ADGRB2: variants seen among roughly 807,000 people sequenced by gnomAD.
The protein encoded by ADGRB2 is brain-specific angiogenesis inhibitor 2.
In ADGRB2, 47 loss-of-function variants were observed where a neutral mutation model predicts 178.7. That is an observed-to-expected ratio of 0.26 (90% CI 0.21 to 0.34). The LOEUF is 0.34. Ranked by LOEUF, ADGRB2 falls within the 10% of genes least tolerant of loss-of-function variation. ADGRB2 has a pLI of 1.00. For synonymous variants in ADGRB2, 870 were observed against 912.4 expected (o/e 0.95, Z 0.84); for missense variants, 1,584 against 2,180.8 (o/e 0.73, Z 5.45).
chr1:31,728,150 A>C lies in ADGRB2; in HGVS notation c.4515+32T>G. The C allele has an allele frequency of 1.9e-6, 3 of 1,613,942 alleles. No homozygotes were observed. Among genetic ancestry groups the C allele is most frequent in the Non-Finnish European group, 2.5e-6 (3 of 1,179,958 alleles). On this transcript the variant is annotated intron_variant, in intron 31 of 32. Coordinates refer to ENST00000373658, the MANE Select transcript of ADGRB2 (RefSeq NM_001364857.2). The surrounding 1 kb of genome is among the most constrained non-coding windows in gnomAD (Gnocchi z 6.7). ...TGCACCAGGTCAGGCCCTGAGCTTC[A>C]GGGCAGGGGCAGCCACGGGAGGAGC...
rs574314333 is a variant in ADGRB2 at position 31,754,485 on chromosome 1, G to A, written c.838+1514C>T. On this transcript the variant is annotated intron_variant, in intron 4 of 32. Transcript: ENST00000373658. The surrounding 1 kb of genome is among the most constrained non-coding windows in gnomAD (Gnocchi z 5.7). ...TGATATACGCCTGGCGTTCTCCGCC[G>A]ATGTTCAACAAAGAAGCAAAATTCA... Among the ~76,000 whole-genome samples, 6 of 152,380 alleles carry A rather than the reference G, an allele frequency of 3.9e-5. No homozygotes were observed. The highest frequency in any genetic ancestry group is 2.1e-4 in the South Asian group (1 of 4,828).
In ADGRB2 at chr1:31,735,292, G is replaced by T; in HGVS notation, c.3354-11C>A. 1 of 1,471,176 alleles carries T rather than the reference G, an allele frequency of 6.8e-7. No homozygotes were observed. The highest frequency in any genetic ancestry group is 9.1e-7 in the Non-Finnish European group (1 of 1,102,876). 91.1% of individuals were successfully genotyped at this position (1,471,176 alleles called of 1,614,324 possible). A position where few individuals can be genotyped will look rare whatever the true frequency, so the allele number is the denominator to read the frequency against. ...GGGCACCGCTCCGACCTCGGGGGCG[G>T]CACAGACATGGGAGAAGGAGGGGAA... On this transcript the variant is annotated splice_polypyrimidine_tract_variant and intron_variant, in intron 24 of 32. Coordinates refer to ENST00000373658, the MANE Select transcript of ADGRB2 (RefSeq NM_001364857.2). This position sits in a 1 kb window ranked among gnomAD's most constrained non-coding sequence, Gnocchi z 6.0.
At chr1:31,739,056 C>T in intron 15 of ADGRB2, 119 bp from the exon 16 acceptor site, 1 of 966,106 alleles carries the variant, frequency 1.0e-6, no homozygotes, top group Non-Finnish European at 1.5e-6. Flanking sequence ...CAGGGGAAGG[C>T]CTAACTCAGT....
chr1:31,738,905 G>T lies in ADGRB2; in HGVS notation c.2528C>A (p.Thr843Lys). The T allele has an allele frequency of 6.2e-7, 1 of 1,613,626 alleles. No homozygotes were observed. The highest frequency in any genetic ancestry group is 1.3e-5 in the African/African-American group (1 of 75,062). Residue 843 changes from threonine to lysine, a missense_variant, in exon 16 of 33, where the codon ACA becomes AAA. Thr to Lys is a moderately conservative substitution (Grantham distance 78, BLOSUM62 -1). Transcript: ENST00000373658. The stretch of plus-strand genomic sequence containing the variant: ...CTGGGTAGGGGGGCGCACAGTCACT[G>T]TCATCACCCGGGATGTGACGGCCAG... ...PPLAVTSRVM[T>K]VTVRPPTQPP...
chr1:31,763,849 C>T lies in ADGRB2; in HGVS notation c.-191+35G>A, dbSNP rs112949214. On this transcript the variant is annotated intron_variant, in intron 1 of 32. Coordinates refer to ENST00000373658, the MANE Select transcript of ADGRB2 (RefSeq NM_001364857.2). ...GGGACCGCGCCGGCAGGGCTCGGTG[C>T]GAGGCCAGGTCGGGGTCTGGGGCCG... 22 of 984,768 alleles carry T rather than the reference C, an allele frequency of 2.2e-5. No homozygotes were observed. In the Admixed American group the frequency reaches 3.7e-4, roughly 17 times the overall value. The allele number at this position is 984,768 out of a possible 1,614,324, so 61.0% of individuals were successfully genotyped here. A position where few individuals can be genotyped will look rare whatever the true frequency, so the allele number is the denominator to read the frequency against.
Position 31,736,565 on chromosome 1 carries a change from C to G in ADGRB2, c.3130+8G>C, listed in dbSNP as rs759497615. ...CCAGCAGCAGAGTCCAGCACTGGCC[C>G]TGCTCACCCCAGCCCAGGCAGAGGA... On this transcript the variant is annotated splice_region_variant and intron_variant, in intron 21 of 32. Coordinates refer to ENST00000373658, the MANE Select transcript of ADGRB2 (RefSeq NM_001364857.2). The G allele has an allele frequency of 6.2e-7, 1 of 1,613,328 alleles. No homozygotes were observed. The highest frequency in any genetic ancestry group is 2.2e-5 in the East Asian group (1 of 44,874).
In ADGRB2 at chr1:31,741,491, T is replaced by G; in HGVS notation, c.1688-12A>C. 2 of 1,585,042 alleles carry G rather than the reference T, an allele frequency of 1.3e-6. No homozygotes were observed. Among genetic ancestry groups the G allele is most frequent in the Non-Finnish European group, 1.7e-6 (2 of 1,165,064 alleles). On this transcript the variant is annotated splice_polypyrimidine_tract_variant and intron_variant, in intron 10 of 32. Transcript: ENST00000373658. The surrounding 1 kb of genome is among the most constrained non-coding windows in gnomAD (Gnocchi z 6.5). ...GCGGCTGGCAGACCCTGCAGGGCAATAGGACAGAGGTCTGGGCATGGGGGC... is the reference window on the plus strand; with the variant it reads ...GCGGCTGGCAGACCCTGCAGGGCAAGAGGACAGAGGTCTGGGCATGGGGGC...
chr1:31,739,756 G>A (rs1445855079), intron 14 of ADGRB2, 121 bp from the exon 15 acceptor site: 19 of 1,269,176 alleles, frequency 1.5e-5, no homozygotes, highest in Non-Finnish European at 2.0e-5. Context: ...GGACACCGAA[G>A]TTGGTACAAA....
At chr1:31,737,299 C>T (rs144058376) in intron 20 of ADGRB2, 130 bp downstream of exon 20, 34,469 of 870,206 alleles carry the variant, frequency 0.04, 856 homozygotes, top group Middle Eastern at 0.049. Context: ...TTCATACACA[C>T]TCTAATCCCA....
At position 31,728,053 on chromosome 1, in the gene ADGRB2, C is replaced by A. The variant is rs1440954797; in HGVS notation, c.4544G>T (p.Gly1515Val). The stretch of plus-strand genomic sequence containing the variant: ...GCACACGCTCCGCTCGGCTGCCCCA[C>A]CCGAGGACACACTCCACCGCTTCTC... ...KREKRWSVSSGGAAERSVCTD... is the reference protein window; with the variant it reads ...KREKRWSVSSVGAAERSVCTD... The change falls in exon 32 of 33, where the codon GGT becomes GTT. Residue 1515 changes from glycine to valine, a missense_variant. Gly to Val is a moderately radical substitution (Grantham distance 109). Around this residue, in one of 3 missense-constraint regions of ADGRB2, gnomAD observed 865 missense variants for 1,192.8 expected, o/e 0.73. Coordinates refer to ENST00000373658, the MANE Select transcript of ADGRB2 (RefSeq NM_001364857.2). This position sits in a 1 kb window ranked among gnomAD's most constrained non-coding sequence, Gnocchi z 6.7. The A allele has an allele frequency of 9.4e-6, 15 of 1,593,890 alleles. No individual in the cohort carries two copies. The highest frequency in any genetic ancestry group is 1.3e-5 in the Non-Finnish European group (15 of 1,172,852).
In ADGRB2 at chr1:31,741,299, A is replaced by C. The variant is rs1225050092; in HGVS notation, c.1794+74T>G. The C allele has an allele frequency of 6.9e-7, 1 of 1,442,218 alleles. No individual in the cohort carries two copies. Among genetic ancestry groups the C allele is most frequent in the East Asian group, 2.5e-5 (1 of 40,490 alleles). 89.3% of individuals were successfully genotyped at this position (1,442,218 alleles called of 1,614,324 possible). On this transcript the variant is annotated intron_variant, in intron 11 of 32. Transcript: ENST00000373658. The surrounding 1 kb of genome is among the most constrained non-coding windows in gnomAD (Gnocchi z 6.5). The stretch of plus-strand genomic sequence containing the variant: ...CCAAGGCACGTGGGAACGAGCGAGA[A>C]TCACGCTCCCTCCACCCCCTAGCAG...
At position 31,756,112 on chromosome 1, in the gene ADGRB2, G is replaced by A. The variant is rs202175781; in HGVS notation, c.725C>T (p.Pro242Leu). 1.2e-4 allele frequency: 188 copies of A among 1,613,912 alleles called. No individual in the cohort carries two copies. Among genetic ancestry groups the A allele is most frequent in the Non-Finnish European group, 1.0e-5 (12 of 1,179,974 alleles). ...GGCATTGGACAGGGTGTGGGCAGCAGGAGGGCCTGGAGATGTGGTGGTGGT... is the reference window on the plus strand; with the variant it reads ...GGCATTGGACAGGGTGTGGGCAGCAAGAGGGCCTGGAGATGTGGTGGTGGT... ...GSTTTTSPGP[P>L]AAHTLSNALV... Residue 242 changes from proline (P) to leucine (L), a missense_variant, in exon 4 of 33, where the codon CCT becomes CTT. Transcript: ENST00000373658. This position sits in a 1 kb window ranked among gnomAD's most constrained non-coding sequence, Gnocchi z 8.5.
chr1:31,733,025 T>C lies in ADGRB2; in HGVS notation c.3571A>G (p.Asn1191Asp). ...GTGATGACAAAGCCCTGCGCGGAGTTGAAGACAGCAAAGAGGGCCTGGAAG... is the reference window on the plus strand; with the variant it reads ...GTGATGACAAAGCCCTGCGCGGAGTCGAAGACAGCAAAGAGGGCCTGGAAG... ...VLFQALFAVF[N>D]SAQGFVITAV... The change falls in exon 26 of 33, where the codon AAC becomes GAC. Residue 1191 changes from asparagine (N) to aspartate (D), a missense_variant. Physicochemically the swap from Asn to Asp is conservative, Grantham distance 23 (BLOSUM62 1). Coordinates refer to ENST00000373658, the MANE Select transcript of ADGRB2 (RefSeq NM_001364857.2). The surrounding 1 kb of genome is among the most constrained non-coding windows in gnomAD (Gnocchi z 4.3). 6.4e-7 allele frequency: 1 copy of C among 1,572,474 alleles called. No individual in the cohort carries two copies. Among genetic ancestry groups the C allele is most frequent in the Non-Finnish European group, 8.6e-7 (1 of 1,159,226 alleles).
In ADGRB2 at chr1:31,728,755, G is replaced by T; in HGVS notation, c.4381-122C>A. 1 of 1,207,358 alleles carries T rather than the reference G, an allele frequency of 8.3e-7. No homozygotes were observed. The highest frequency in any genetic ancestry group is 1.2e-6 in the Non-Finnish European group (1 of 836,698). The allele number at this position is 1,207,358 out of a possible 1,614,324, so 74.8% of individuals were successfully genotyped here. A position where few individuals can be genotyped will look rare whatever the true frequency, so the allele number is the denominator to read the frequency against. On this transcript the variant is annotated intron_variant, in intron 29 of 32. Coordinates refer to ENST00000373658, the MANE Select transcript of ADGRB2 (RefSeq NM_001364857.2). The surrounding 1 kb of genome is among the most constrained non-coding windows in gnomAD (Gnocchi z 6.7). ...CCCGCTGCACCTTCCCCCCAACCCA[G>T]GCCCAGAAGTTGCGGACCTTCATGG...
chr1:31,759,943 G>C lies in ADGRB2; in HGVS notation c.-190-2432C>G, dbSNP rs1018138167. 6.6e-6 allele frequency among the ~76,000 whole-genome samples: 1 copy of C among 152,150 alleles called. No individual in the cohort carries two copies. The highest frequency in any genetic ancestry group is 1.5e-5 in the Non-Finnish European group (1 of 68,036). ...ATGCAGACCATGAGCCTTGCCCTGGGGATGGCAGACACCTCATCAGCCTCC... is the reference window on the plus strand; with the variant it reads ...ATGCAGACCATGAGCCTTGCCCTGGCGATGGCAGACACCTCATCAGCCTCC... On this transcript the variant is annotated intron_variant, in intron 1 of 32. Coordinates refer to ENST00000373658, the MANE Select transcript of ADGRB2 (RefSeq NM_001364857.2). The surrounding 1 kb of genome is among the most constrained non-coding windows in gnomAD (Gnocchi z 4.3).
Position 31,764,197 on chromosome 1 carries a change from C to T in ADGRB2, c.-504G>A. 1 of 337,488 alleles carries T rather than the reference C, an allele frequency of 3.0e-6. No homozygotes were observed. Among genetic ancestry groups the T allele is most frequent in the Non-Finnish European group, 4.1e-6 (1 of 241,104 alleles). 20.9% of individuals were successfully genotyped at this position (337,488 alleles called of 1,614,324 possible). ...GCACCGCCCGCGCCGCGCGCCGCCT[C>T]CTATTTGCGGGCGGCGGCCGCAGCC... On this transcript the variant is annotated 5_prime_UTR_variant, in exon 1 of 33. Coordinates refer to ENST00000373658, the MANE Select transcript of ADGRB2 (RefSeq NM_001364857.2). The surrounding 1 kb of genome is among the most constrained non-coding windows in gnomAD (Gnocchi z 7.3).
rs186799100 is a variant in ADGRB2 at position 31,737,135 on chromosome 1, T to A, written c.2979+294A>T. On this transcript the variant is annotated intron_variant, in intron 20 of 32. Coordinates refer to ENST00000373658, the MANE Select transcript of ADGRB2 (RefSeq NM_001364857.2). ...GGCAAAAGGAGGCCTCACTCAGGCT[T>A]CCACACGCTCACAGACACAAGGAGG... Among the ~76,000 whole-genome samples the A allele has an allele frequency of 3.1e-4, 47 of 152,166 alleles. 1 individual carries two copies. In the East Asian group the frequency reaches 8.7e-3, roughly 28 times the overall value.
In ADGRB2 at chr1:31,727,563, G is replaced by T; in HGVS notation, c.4615C>A (p.Arg1539=). 6.4e-7 allele frequency: 1 copy of T among 1,574,096 alleles called. No individual in the cohort carries two copies. The highest frequency in any genetic ancestry group is 8.6e-7 in the Non-Finnish European group (1 of 1,166,670). The stretch of plus-strand genomic sequence containing the variant: ...AAGGTGCTCCAGCTCTGATGGCGCC[G>T]ATGTTGGGACAAGCTGGGGCGCTCC... ...PGERPSLSQH[R]RHQSWSTFKS... Residue 1539 remains arginine, a synonymous_variant, in exon 33 of 33, where the codon CGG becomes AGG. Coordinates refer to ENST00000373658, the MANE Select transcript of ADGRB2 (RefSeq NM_001364857.2). This position sits in a 1 kb window ranked among gnomAD's most constrained non-coding sequence, Gnocchi z 4.4.
rs888389308 is a variant in ADGRB2, at chr1:31,733,314, G to C, written c.3453-171C>G. 6.6e-6 allele frequency among the ~76,000 whole-genome samples: 1 copy of C among 152,172 alleles called. No homozygotes were observed. The highest frequency in any genetic ancestry group is 1.5e-5 in the Non-Finnish European group (1 of 68,044). ...GAGAGGGGCTGAGGAGCCAGAGCCA[G>C]AGAAACAGAACAGAGACCGAAAGCA... On this transcript the variant is annotated intron_variant, in intron 25 of 32. Coordinates refer to ENST00000373658, the MANE Select transcript of ADGRB2 (RefSeq NM_001364857.2). The surrounding 1 kb of genome is among the most constrained non-coding windows in gnomAD (Gnocchi z 4.3).
Sources: gnomAD v4.1 joint callset for allele counts (sites outside exome capture counted in the v4.1 genomes callset) on GRCh38, gnomAD v4.1.1 for gene constraint, gnomAD v4.1.1 regional missense constraint, Gnocchi (gnomAD v3.1) non-coding constraint, MANE v1.5 for transcripts, NCBI Gene and HGNC (gene_info 2026-07-23, HGNC 2026-07-21) for gene names.